The following SP1 variants were observed in gnomAD, a reference collection of about 807,000 sequenced individuals.
SP1 encodes the protein transcription factor Sp1.
In SP1, 6 loss-of-function variants were observed where a neutral mutation model predicts 66.3. That is an observed-to-expected ratio of 0.09 (90% confidence interval 0.05 to 0.18). The LOEUF is 0.18. Among genes scored for constraint, SP1 ranks in the 10% least tolerant of loss-of-function variants. The pLI is 1.00. For synonymous variants in SP1, 417 were observed against 360.8 expected, an observed-to-expected ratio of 1.16 and a Z score of -1.77; for missense variants, 848 against 964.5, an observed-to-expected ratio of 0.88 and a Z score of 1.60.
At chr12:53,383,718 C>T (rs1692557602) in intron 3 of SP1, 96 bp downstream of exon 3, 2 of 991,600 alleles carry the variant, frequency 2.0e-6, no homozygotes, top group Non-Finnish European at 3.0e-6. Context: ...TTTGAGATAA[C>T]ACTTTCTTGA....
intron 3 of SP1, among the ~76,000 whole-genome samples, chr12:53,391,297 A>G (rs1034432098): frequency 6.6e-6 from 1 of 151,594 alleles, no homozygotes; most frequent in Non-Finnish European, 1.5e-5. Flanking sequence ...TTAGACTTTA[A>G]GAATTATTTC....
In SP1 at chr12:53,407,343, T is replaced by TC. The variant is rs549875480; in HGVS notation, c.1844+591dup. ...GAAAAAAAAAAAAATTTTTTTTTTT[T>TC]CTGAGACAAAGTCAGTCTGTGTTTC... On this transcript the variant is annotated intron_variant, in intron 4 of 5. Transcript: ENST00000327443. 7.2e-5 allele frequency among the ~76,000 whole-genome samples: 11 copies of TC among 151,752 alleles called. 1 individual carries two copies. The South Asian group carries it at 2.1e-3, about 29-fold the overall frequency.
In SP1 at chr12:53,380,189, T is replaced by G; in HGVS notation, c.-103T>G. ...TCCCTCCTCCTTACCCCCCCCTCCC[T>G]GTCCGGTCCGGGTTCGCTTGCCTCG... On this transcript the variant is annotated 5_prime_UTR_variant, in exon 1 of 6. Coordinates refer to ENST00000327443, the MANE Select transcript of SP1 (RefSeq NM_138473.3). 5 of 702,188 alleles carry G rather than the reference T, an allele frequency of 7.1e-6. No individual in the cohort carries two copies. The highest frequency in any genetic ancestry group is 7.7e-6 in the Non-Finnish European group (3 of 391,056). 43.5% of individuals were successfully genotyped at this position (702,188 alleles called of 1,614,324 possible). A position where few individuals can be genotyped will look rare whatever the true frequency, so the allele number is the denominator to read the frequency against.
chr12:53,406,763 C>T lies in SP1; in HGVS notation c.1844+10C>T. The T allele has an allele frequency of 1.9e-6, 3 of 1,605,556 alleles. No individual in the cohort carries two copies. The East Asian group carries it at 6.7e-5, about 36-fold the overall frequency. ...AAGACAGTGAAGGAAGGTGAGTTGA[C>T]CCAGCCAGTTTCTTACAAATATAAA... On this transcript the variant is annotated intron_variant, in intron 4 of 5. Coordinates refer to ENST00000327443, the MANE Select transcript of SP1 (RefSeq NM_138473.3).
Position 53,382,489 on chromosome 12 carries a change from C to A in SP1, c.542C>A (p.Thr181Asn). ...TATCAAGTAATCCCACAGTTCCAGA[C>A]CGTTGATGGGCAACAGCTGCAGTTT... ...IQYQVIPQFQ[T>N]VDGQQLQFAA... is the part of the protein sequence containing the mutation. Residue 181 changes from threonine (T) to asparagine (N), a missense_variant, in exon 3 of 6, where the codon ACC (threonine) becomes AAC (asparagine). Around this residue, in one of 7 missense-constraint regions of SP1, gnomAD observed 606 missense variants for 589.9 expected, o/e 1.03. Transcript: ENST00000327443. 1.2e-6 allele frequency: 2 copies of A among 1,614,190 alleles called. No individual in the cohort carries two copies. Among genetic ancestry groups the A allele is most frequent in the Non-Finnish European group, 1.7e-6 (2 of 1,180,028 alleles).
At chr12:53,407,199 T>A (rs1452308962) in intron 4 of SP1, among the ~76,000 whole-genome samples, 1 of 150,348 alleles carries the variant, frequency 6.7e-6, no homozygotes, top group Admixed American at 6.7e-5. Flanking sequence ...GAGGCCAAGA[T>A]AGGAGGATCA....
In SP1 at chr12:53,411,320, T is replaced by C; in HGVS notation, c.*80T>C. On this transcript the variant is annotated 3_prime_UTR_variant, in exon 6 of 6. Coordinates refer to ENST00000327443, the MANE Select transcript of SP1 (RefSeq NM_138473.3). ...CAAGGTAGCATGGGTCCAAGAGACA[T>C]GGAAGAGAGAGCCATGAAGCATTAA... 1.6e-5 allele frequency: 18 copies of C among 1,152,790 alleles called. No individual in the cohort carries two copies. The highest frequency in any genetic ancestry group is 2.2e-5 in the Non-Finnish European group (18 of 804,036). The allele number at this position is 1,152,790 out of a possible 1,614,324, so 71.4% of individuals were successfully genotyped here. A position where few individuals can be genotyped will look rare whatever the true frequency, so the allele number is the denominator to read the frequency against.
rs1372141201 is a variant in SP1 at position 53,382,801 on chromosome 12, C to A, written c.854C>A (p.Thr285Lys). 1 of 1,614,164 alleles carries A rather than the reference C, an allele frequency of 6.2e-7. No individual in the cohort carries two copies. The highest frequency in any genetic ancestry group is 1.1e-5 in the South Asian group (1 of 91,080). The change falls in exon 3 of 6, where the codon ACG becomes AAG. Residue 285 changes from threonine (T) to lysine (K), a missense_variant. Physicochemically the swap from Thr to Lys is moderately conservative, Grantham distance 78 (BLOSUM62 -1). Transcript: ENST00000327443. Reference protein sequence around the residue: ...ATLTPSSQAVTISSSGSQESG... With the variant: ...ATLTPSSQAVKISSSGSQESG... ...TTGACTCCCAGCTCTCAGGCAGTCA[C>A]GATCAGCAGCTCTGGGTCCCAGGAG...
At chr12:53,384,679 C>T (rs1351034317) in intron 3 of SP1, among the ~76,000 whole-genome samples, 1 of 152,202 alleles carries the variant, frequency 6.6e-6, no homozygotes, top group Admixed American at 6.5e-5. Context: ...TAGGCCAACT[C>T]CTCCATAGGA....
chr12:53,389,602 C>T lies in SP1; in HGVS notation c.1675+5980C>T, dbSNP rs557489134. Among the ~76,000 whole-genome samples the T allele has an allele frequency of 2.1e-4, 32 of 151,942 alleles. No homozygotes were observed. The East Asian group carries it at 5.6e-3, about 27-fold the overall frequency. On this transcript the variant is annotated intron_variant, in intron 3 of 5. Transcript: ENST00000327443. Reference sequence around the variant, plus strand: ...CCTCCCAAAATGCTGGGATTACAGGCGTGATGTTTCTTTTTTTTTAAATTG... The same window carrying T: ...CCTCCCAAAATGCTGGGATTACAGGTGTGATGTTTCTTTTTTTTTAAATTG...
In SP1 at chr12:53,380,191, T is replaced by G; in HGVS notation, c.-101T>G. On this transcript the variant is annotated 5_prime_UTR_variant, in exon 1 of 6. Transcript: ENST00000327443. The stretch of plus-strand genomic sequence containing the variant: ...CCTCCTCCTTACCCCCCCCTCCCTG[T>G]CCGGTCCGGGTTCGCTTGCCTCGTC... The G allele has an allele frequency of 1.3e-6, 1 of 780,654 alleles. No homozygotes were observed. The highest frequency in any genetic ancestry group is 2.6e-4 in the Middle Eastern group (1 of 3,794). The allele number at this position is 780,654 out of a possible 1,614,324, so 48.4% of individuals were successfully genotyped here.
rs760712647 is a variant in SP1 at position 53,382,425 on chromosome 12, G to T, written c.478G>T (p.Val160Phe). The stretch of plus-strand genomic sequence containing the variant: ...CGCTCCCAACTTACAGAACCAGCAA[G>T]TTCTGACAGGACTACCTGGAGTGAT... Reference protein sequence around the residue: ...AAAPNLQNQQVLTGLPGVMPN... With the variant: ...AAAPNLQNQQFLTGLPGVMPN... Residue 160 changes from valine to phenylalanine, a missense_variant, in exon 3 of 6, where the codon GTT becomes TTT. Val to Phe is a conservative substitution (Grantham distance 50, BLOSUM62 -1). Transcript: ENST00000327443. 16 of 1,614,224 alleles carry T rather than the reference G, an allele frequency of 9.9e-6. No homozygotes were observed. Among genetic ancestry groups the T allele is most frequent in the Non-Finnish European group, 1.3e-5 (15 of 1,180,048 alleles).
chr12:53,385,786 G>T (rs1260435612), intron 3 of SP1, among the ~76,000 whole-genome samples: 1 of 150,660 alleles, frequency 6.6e-6, no homozygotes, highest in Non-Finnish European at 1.5e-5. Context: ...GGTGGTACAA[G>T]CCTGTAGTCC....
At chr12:53,409,046 G>A (rs1351182169) in intron 4 of SP1, among the ~76,000 whole-genome samples, 5 of 151,564 alleles carry the variant, frequency 3.3e-5, no homozygotes, top group Non-Finnish European at 5.9e-5. Flanking sequence ...CCAACATTGC[G>A]AAACCTCATC....
intron 3 of SP1, among the ~76,000 whole-genome samples, chr12:53,384,353 C>T (rs769762155): frequency 2.0e-5 from 3 of 151,426 alleles, no homozygotes; most frequent in South Asian, 2.1e-4. Flanking sequence ...GGCGTGATCT[C>T]GGCTCACTGC....
rs566918956 is a variant in SP1, at chr12:53,380,494, C to A, written c.7+196C>A. On this transcript the variant is annotated intron_variant, in intron 1 of 5. Coordinates refer to ENST00000327443, the MANE Select transcript of SP1 (RefSeq NM_138473.3). ...GGCCTCCGAGGAGGAGGGGGATGGG[C>A]CGCCCGCCCCGGGGGAGGGGGCAGC... is the stretch of plus-strand genomic sequence containing the variant. 8.1e-4 allele frequency: 407 copies of A among 505,162 alleles called. 2 individuals are homozygous for A. The highest frequency in any genetic ancestry group is 7.6e-3 in the African/African-American group (375 of 49,100). The allele number at this position is 505,162 out of a possible 1,614,324, so 31.3% of individuals were successfully genotyped here. A position where few individuals can be genotyped will look rare whatever the true frequency, so the allele number is the denominator to read the frequency against.
intron 4 of SP1, 48 bp downstream of exon 4, chr12:53,406,801 G>T (rs1201832322): frequency 2.0e-6 from 3 of 1,480,784 alleles, no homozygotes; most frequent in African/African-American, 1.4e-5. Flanking sequence ...AAAATTAATA[G>T]ATTTGGAGAT....
intron 3 of SP1, among the ~76,000 whole-genome samples, chr12:53,385,165 C>T (rs555133130): frequency 3.3e-5 from 5 of 151,446 alleles, no homozygotes; most frequent in South Asian, 2.1e-4. Context: ...CATGGTGATG[C>T]GCGCCTGTAG....
intron 1 of SP1, chr12:53,381,448 G>A (rs1181218976): frequency 2.3e-6 from 1 of 427,892 alleles, no homozygotes; most frequent in East Asian, 3.8e-5. Context: ...TTTGTACAAG[G>A]GAGAATTAAG....
Sources: gnomAD v4.1 joint callset for allele counts (sites outside exome capture counted in the v4.1 genomes callset) on GRCh38, gnomAD v4.1.1 for gene constraint, gnomAD v4.1.1 regional missense constraint, MANE v1.5 for transcripts, NCBI Gene and HGNC (gene_info 2026-07-23, HGNC 2026-07-21) for gene names.